The following SYT14 variants were observed in gnomAD, a reference collection of about 807,000 sequenced individuals.
SYT14 encodes synaptotagmin-14.
A neutral mutation model predicts 74.2 loss-of-function variants in SYT14; 32 were observed. The ratio of observed to expected loss-of-function variants is 0.43; its 90% CI spans 0.33 to 0.58. SYT14 has a LOEUF of 0.58. SYT14 is among the 20% of genes least tolerant of loss of function. SYT14 has a pLI of 0.05. For missense variants in SYT14, 791 were observed against 981.8 expected (o/e 0.81, Z 2.60); for synonymous variants, 298 against 337.7 (o/e 0.88, Z 1.29).
intron 6 of SYT14, among the ~76,000 whole-genome samples, chr1:210,096,861 A>C (rs1470587395): frequency 6.6e-6 from 1 of 152,136 alleles, no homozygotes; most frequent in Non-Finnish European, 1.5e-5. Flanking sequence ...TTTCTATTTA[A>C]TCTTTCTTTG....
intron 5 of SYT14, among the ~76,000 whole-genome samples, chr1:210,084,583 T>A (rs1419800599): frequency 6.6e-6 from 1 of 152,242 alleles, no homozygotes; most frequent in Admixed American, 6.5e-5. Context: ...CAGCCAAGGT[T>A]TCTGCAGAGC....
intron 5 of SYT14, among the ~76,000 whole-genome samples, chr1:210,054,091 G>A (rs927554282): frequency 6.6e-6 from 1 of 151,934 alleles, no homozygotes; most frequent in African/African-American, 2.4e-5. Flanking sequence ...TTTATTTTTA[G>A]ATATTTTATT....
Position 209,979,171 on chromosome 1 carries a change from G to A in SYT14, c.-486+26415G>A, listed in dbSNP as rs141516030. Among the ~76,000 whole-genome samples, 933 of 152,276 alleles carry A rather than the reference G, an allele frequency of 6.1e-3. 6 individuals are homozygous for A. Among genetic ancestry groups the A allele is most frequent in the African/African-American group, 0.018 (756 of 41,556 alleles). ...CGCTTCCTGGGTGAGGCGATGCCTC[G>A]CCCTGCTTTGGCTCACGCTGGGTGC... On this transcript the variant is annotated intron_variant, in intron 2 of 9. Transcript: ENST00000637265.
At chr1:210,033,365 G>A (rs1490865645) in intron 5 of SYT14, among the ~76,000 whole-genome samples, 1 of 151,692 alleles carries the variant, frequency 6.6e-6, no homozygotes, top group Non-Finnish European at 1.5e-5. Flanking sequence ...TGGGTGAAAT[G>A]GAATTGAGGT....
intron 5 of SYT14, among the ~76,000 whole-genome samples, chr1:210,065,105 G>C (rs2081272868): frequency 6.6e-6 from 1 of 151,988 alleles, no homozygotes; most frequent in Non-Finnish European, 1.5e-5. Context: ...CCTTTGCCCA[G>C]TTTTGAATTG....
intron 5 of SYT14, among the ~76,000 whole-genome samples, chr1:210,077,999 A>G (rs1056585924): frequency 9.2e-5 from 14 of 152,182 alleles, no homozygotes; most frequent in Non-Finnish European, 1.5e-4. Flanking sequence ...ATTATAGCAA[A>G]CACCACTGAA....
chr1:209,955,403 C>G (rs549763518), intron 2 of SYT14, among the ~76,000 whole-genome samples: 1 of 152,296 alleles, frequency 6.6e-6, no homozygotes, highest in Non-Finnish European at 1.5e-5. Flanking sequence ...AAGAATCATC[C>G]TGTATTTCCC....
At chr1:210,063,021 G>GT (rs11444158) in intron 5 of SYT14, among the ~76,000 whole-genome samples, 56,668 of 140,922 alleles carry the variant, frequency 0.4, 11,845 homozygotes, top group East Asian at 0.58. Context: ...ATTTTTTCTA[G>GT]TTTTTTTTTT....
intron 7 of SYT14, among the ~76,000 whole-genome samples, chr1:210,154,123 A>G (rs1445419394): frequency 6.6e-6 from 1 of 152,080 alleles, no homozygotes. Flanking sequence ...TTTGTTTTGT[A>G]TGTGTATTTT....
At chr1:210,131,114 A>G (rs1463128854) in intron 7 of SYT14, among the ~76,000 whole-genome samples, 1 of 152,228 alleles carries the variant, frequency 6.6e-6, no homozygotes. Context: ...ATTTTAATTC[A>G]TATGAAGTGG....
intron 5 of SYT14, among the ~76,000 whole-genome samples, chr1:210,024,805 G>T: frequency 6.6e-6 from 1 of 152,196 alleles, no homozygotes; most frequent in African/African-American, 2.4e-5. Context: ...AACAGTAAGA[G>T]ATAAAGAGGA....
At chr1:210,022,968 A>G (rs1157338258) in intron 5 of SYT14, among the ~76,000 whole-genome samples, 3 of 152,170 alleles carry the variant, frequency 2.0e-5, no homozygotes, top group Non-Finnish European at 4.4e-5. Flanking sequence ...TACACAATCT[A>G]GGTGCTTCTA....
At chr1:210,133,135 T>C (rs1193390518) in intron 7 of SYT14, among the ~76,000 whole-genome samples, 1 of 152,256 alleles carries the variant, frequency 6.6e-6, no homozygotes, top group East Asian at 1.9e-4. Flanking sequence ...GTTAGAGTCC[T>C]AATGTTGCAG....
chr1:209,967,130 A>T (rs992793132), intron 2 of SYT14, among the ~76,000 whole-genome samples: 1 of 152,190 alleles, frequency 6.6e-6, no homozygotes, highest in African/African-American at 2.4e-5. Context: ...GATGAATCAC[A>T]TGTTAAACCA....
At chr1:209,962,993 T>G (rs576895362) in intron 2 of SYT14, among the ~76,000 whole-genome samples, 1 of 152,180 alleles carries the variant, frequency 6.6e-6, no homozygotes, top group Non-Finnish European at 1.5e-5. Context: ...CTTCAGAAAT[T>G]TAAAGCCTGT....
chr1:210,133,599 C>T (rs11119415), intron 7 of SYT14, among the ~76,000 whole-genome samples: 28,873 of 151,954 alleles, frequency 0.19, 6,245 homozygotes, highest in African/African-American at 0.49. Context: ...CTCTTGCCTC[C>T]CATATTTTAT....
At chr1:209,993,511 A>G (rs1439328235) in intron 2 of SYT14, among the ~76,000 whole-genome samples, 2 of 152,070 alleles carry the variant, frequency 1.3e-5, no homozygotes, top group Non-Finnish European at 2.9e-5. Flanking sequence ...TGGGGAGGAG[A>G]CTGTATGTAC....
chr1:210,129,469 G>A (rs1318609108), intron 7 of SYT14, among the ~76,000 whole-genome samples: 1 of 152,144 alleles, frequency 6.6e-6, no homozygotes, highest in East Asian at 1.9e-4. Context: ...TGGTTGGTCG[G>A]TCACCTTCCA....
At chr1:210,134,592 A>G (rs1356984551) in intron 7 of SYT14, among the ~76,000 whole-genome samples, 1 of 152,200 alleles carries the variant, frequency 6.6e-6, no homozygotes, top group Non-Finnish European at 1.5e-5. Context: ...GTGTTTTCAC[A>G]TACAGTATAC....
Sources: gnomAD v4.1 joint callset for allele counts (sites outside exome capture counted in the v4.1 genomes callset) on GRCh38, gnomAD v4.1.1 for gene constraint, MANE v1.5 for transcripts, NCBI Gene and HGNC (gene_info 2026-07-23, HGNC 2026-07-21) for gene names.